CFAP54: variants seen among roughly 807,000 people sequenced by gnomAD.
CFAP54 encodes the protein cilia- and flagella-associated protein 54.
CFAP54 carries 290 observed loss-of-function variants against 370.4 expected under a neutral mutation model. That is an observed-to-expected ratio of 0.78 (90% CI 0.71 to 0.86). The LOEUF is 0.86. Among genes scored for constraint, CFAP54 ranks in the 40% least tolerant of loss-of-function variants. The pLI is 0.00. For missense variants in CFAP54, 3,399 were observed against 3,528.7 expected (o/e 0.96, Z 0.93); for synonymous variants, 1,206 against 1,236.5 (o/e 0.98, Z 0.52).
chr12:96,863,299 C>T (rs1275059146), intron 67 of CFAP54, among the ~76,000 whole-genome samples: 1 of 152,158 alleles, frequency 6.6e-6, no homozygotes, highest in Non-Finnish European at 1.5e-5. Context: ...ATTGCCTACC[C>T]TTTCTGGAGC....
intron 26 of CFAP54, among the ~76,000 whole-genome samples, chr12:96,616,429 C>T (rs142642532): frequency 0.038 from 5,729 of 152,100 alleles, 162 homozygotes; most frequent in South Asian, 0.13. Context: ...AGTTAATGGG[C>T]GCAGCACACC....
Position 96,512,137 on chromosome 12 carries a change from G to T in CFAP54, c.740-849G>T, listed in dbSNP as rs569446281. On this transcript the variant is annotated intron_variant, in intron 4 of 67. Transcript: ENST00000524981. ...CTTGATAATAGGAAAAATGTTATAT[G>T]AGTCTGAGAGTGAATATAACGTGCC... Among the ~76,000 whole-genome samples, 4 of 151,772 alleles carry T rather than the reference G, an allele frequency of 2.6e-5. 1 individual carries two copies. The South Asian group carries it at 8.3e-4, about 32-fold the overall frequency.
In CFAP54 at chr12:96,708,661, C is replaced by A. The variant is rs1285990667; in HGVS notation, c.6582C>A (p.Gly2194=). 2 of 1,610,406 alleles carry A rather than the reference C, an allele frequency of 1.2e-6. No homozygotes were observed. The highest frequency in any genetic ancestry group is 1.7e-6 in the Non-Finnish European group (2 of 1,179,022). ...KGLPAVLVTI[G]QPHLLNKFNF... ...TGCCTGCAGTTCTGGTTACAATTGGCCAACCACATCTCTTAAATAAGTTTA... is the reference window on the plus strand; with the variant it reads ...TGCCTGCAGTTCTGGTTACAATTGGACAACCACATCTCTTAAATAAGTTTA... Residue 2194 remains glycine (G), a synonymous_variant, in exon 48 of 68, where the codon GGC becomes GGA. Transcript: ENST00000524981.
chr12:96,564,762 G>T lies in CFAP54; in HGVS notation c.2616G>T (p.Leu872Phe). The T allele has an allele frequency of 1.6e-6, 1 of 609,512 alleles. No individual in the cohort carries two copies. The highest frequency in any genetic ancestry group is 2.0e-5 in the South Asian group (1 of 48,996). 37.8% of individuals were successfully genotyped at this position (609,512 alleles called of 1,614,324 possible). A position where few individuals can be genotyped will look rare whatever the true frequency, so the allele number is the denominator to read the frequency against. ...CTTCTACATCTTCATGGGAACTTTT[G>T]ATGGTAACAGTATTTCATTTCTTCT... ...DATSTSSWEL[L>F]MEAYSLIQRI... is the part of the protein sequence containing the mutation. Residue 872 changes from leucine (L) to phenylalanine (F), a missense_variant, in exon 19 of 68, where the codon TTG (leucine) becomes TTT (phenylalanine). Physicochemically the swap from Leu to Phe is conservative, Grantham distance 22. This residue lies in a region of CFAP54 where 2,796 missense variants were observed against 2,869.7 expected (regional missense o/e 0.97). Transcript: ENST00000524981.
At chr12:96,576,291 A>G (rs1362341698) in intron 19 of CFAP54, among the ~76,000 whole-genome samples, 2 of 151,972 alleles carry the variant, frequency 1.3e-5, no homozygotes, top group Non-Finnish European at 2.9e-5. Flanking sequence ...TAGATATTCA[A>G]AAGGTTCAAT....
chr12:96,577,984 C>T (rs1347992447), intron 20 of CFAP54, among the ~76,000 whole-genome samples: 5 of 151,916 alleles, frequency 3.3e-5, no homozygotes, highest in Non-Finnish European at 5.9e-5. Flanking sequence ...ATCGCTTGAA[C>T]CTGGGAGGTG....
At chr12:96,675,983 T>C (rs1007547012) in intron 39 of CFAP54, among the ~76,000 whole-genome samples, 5 of 152,002 alleles carry the variant, frequency 3.3e-5, no homozygotes, top group African/African-American at 1.2e-4. Flanking sequence ...ATATACCTAA[T>C]GCTAAATGAC....
rs185880424 is a variant in CFAP54, at chr12:96,783,127, A to G, written c.8282-1590A>G. Among the ~76,000 whole-genome samples, 442 of 152,334 alleles carry G rather than the reference A, an allele frequency of 2.9e-3. 4 individuals carry two copies. The South Asian group carries it at 0.034, about 12-fold the overall frequency. ...ATAAAGTTCTAAAAAGATAAAGTTA[A>G]CAATGTTTTATTTATTACATGTTAT... is the stretch of plus-strand genomic sequence containing the variant. On this transcript the variant is annotated intron_variant, in intron 60 of 67. Transcript: ENST00000524981.
Position 96,657,897 on chromosome 12 carries a change from G to A in CFAP54, c.5116G>A (p.Gly1706Arg). ...CTACTTGCAGCCTATTGAAGACAAA[G>A]GAGAATTCAGTGTTCCAAGCTGTTA... is the stretch of plus-strand genomic sequence containing the variant. ...TSSIKPIEDK[G>R]EFSVPSCYGN... The change falls in exon 37 of 68, where the codon GGA becomes AGA. Residue 1706 changes from glycine to arginine, a missense_variant. Coordinates refer to ENST00000524981, the MANE Select transcript of CFAP54 (RefSeq NM_001306084.2). The A allele has an allele frequency of 6.2e-7, 1 of 1,611,212 alleles. No individual in the cohort carries two copies. The highest frequency in any genetic ancestry group is 8.5e-7 in the Non-Finnish European group (1 of 1,178,754).
intron 15 of CFAP54, among the ~76,000 whole-genome samples, chr12:96,552,718 T>G (rs1444486990): frequency 6.6e-6 from 1 of 152,198 alleles, no homozygotes; most frequent in Non-Finnish European, 1.5e-5. Flanking sequence ...GTAACACCAT[T>G]TCATTGTAGC....
At chr12:96,705,907 A>G (rs114562972) in intron 47 of CFAP54, among the ~76,000 whole-genome samples, 2,323 of 152,032 alleles carry the variant, frequency 0.015, 72 homozygotes, top group African/African-American at 0.054. Flanking sequence ...CTCTCAACCA[A>G]TCTGAAGTTT....
chr12:96,769,104 T>C (rs748711919), intron 60 of CFAP54, among the ~76,000 whole-genome samples: 3 of 152,228 alleles, frequency 2.0e-5, no homozygotes, highest in Non-Finnish European at 4.4e-5. Flanking sequence ...TGTGGGGCCA[T>C]GTTTAAATTC....
chr12:96,714,390 G>A (rs1467070940), intron 48 of CFAP54, among the ~76,000 whole-genome samples: 4 of 152,176 alleles, frequency 2.6e-5, no homozygotes, highest in Admixed American at 1.3e-4. Context: ...CTGAAGAAAT[G>A]TTTCGCAATC....
chr12:96,716,449 C>T (rs7978605), intron 48 of CFAP54, among the ~76,000 whole-genome samples: 35,851 of 152,106 alleles, frequency 0.24, 4,390 homozygotes, highest in South Asian at 0.29. Flanking sequence ...CATAAGTGTT[C>T]TTATTATTTT....
chr12:96,636,988 A>G (rs1333049368), intron 32 of CFAP54, among the ~76,000 whole-genome samples: 2 of 152,176 alleles, frequency 1.3e-5, no homozygotes, highest in African/African-American at 4.8e-5. Flanking sequence ...ACCCCACTCA[A>G]TTTTAGTACA....
At chr12:96,625,947 T>A in intron 29 of CFAP54, 140 bp downstream of exon 29, 1 of 619,832 alleles carries the variant, frequency 1.6e-6, no homozygotes, top group Non-Finnish European at 2.7e-6. Context: ...CCACTCAGAA[T>A]AATGCAGAAT....
chr12:96,668,098 A>G (rs1957101852), intron 39 of CFAP54, among the ~76,000 whole-genome samples: 2 of 152,210 alleles, frequency 1.3e-5, no homozygotes, highest in African/African-American at 4.8e-5. Context: ...AAAGCCATTC[A>G]ACAAGTCTCT....
intron 66 of CFAP54, among the ~76,000 whole-genome samples, chr12:96,858,040 G>A (rs1959762019): frequency 6.6e-6 from 1 of 152,066 alleles, no homozygotes; most frequent in African/African-American, 2.4e-5. Context: ...GGGATTACTG[G>A]GTCTAATGAT....
intron 15 of CFAP54, among the ~76,000 whole-genome samples, chr12:96,553,068 G>A (rs1028940676): frequency 6.6e-6 from 1 of 152,164 alleles, no homozygotes; most frequent in Non-Finnish European, 1.5e-5. Flanking sequence ...AGAGGCTTCT[G>A]AGCAAACTCT....
Sources: gnomAD v4.1 joint callset for allele counts (sites outside exome capture counted in the v4.1 genomes callset) on GRCh38, gnomAD v4.1.1 for gene constraint, gnomAD v4.1.1 regional missense constraint, MANE v1.5 for transcripts, NCBI Gene and HGNC (gene_info 2026-07-23, HGNC 2026-07-21) for gene names.